PTPRG: variants seen among roughly 807,000 people sequenced by gnomAD.
PTPRG encodes protein tyrosine phosphatase receptor type G.
In PTPRG, 102 loss-of-function variants were observed where a neutral mutation model predicts 165.3. The observed-to-expected ratio is 0.62, with a 90% confidence interval of 0.53 to 0.73. PTPRG has a LOEUF of 0.73. PTPRG is among the 30% of genes least tolerant of loss of function. PTPRG has a pLI of 0.00. For missense variants in PTPRG, 1,866 were observed against 1,861.4 expected (o/e 1.00, Z -0.05); for synonymous variants, 675 against 669.5 (o/e 1.01, Z -0.13).
At chr3:61,793,828 G>A (rs971359341) in intron 2 of PTPRG, among the ~76,000 whole-genome samples, 3 of 152,092 alleles carry the variant, frequency 2.0e-5, no homozygotes, top group African/African-American at 7.2e-5. Context: ...TCCAAGTTTG[G>A]CTAGGTGGTG....
chr3:61,690,987 A>G (rs2030167093), intron 1 of PTPRG, among the ~76,000 whole-genome samples: 1 of 152,204 alleles, frequency 6.6e-6, no homozygotes, highest in African/African-American at 2.4e-5. Flanking sequence ...TAGACAAAAT[A>G]AAACCACAGA....
At chr3:62,218,541 G>A (rs564415316) in intron 12 of PTPRG, among the ~76,000 whole-genome samples, 3 of 152,222 alleles carry the variant, frequency 2.0e-5, no homozygotes, top group Admixed American at 1.3e-4. Flanking sequence ...CTTCTGGGTC[G>A]GTCATGTTCT....
chr3:61,629,855 A>G (rs1053846369), intron 1 of PTPRG, among the ~76,000 whole-genome samples: 1 of 152,236 alleles, frequency 6.6e-6, no homozygotes, highest in Non-Finnish European at 1.5e-5. Flanking sequence ...TAAGTGTAAC[A>G]TGTCTTCAGC....
At chr3:61,870,030 C>T (rs2037521599) in intron 2 of PTPRG, among the ~76,000 whole-genome samples, 1 of 152,128 alleles carries the variant, frequency 6.6e-6, no homozygotes, top group African/African-American at 2.4e-5. Context: ...CTCATCACTG[C>T]ATATTGAGCT....
rs868089374 is a variant in PTPRG, at chr3:62,157,328, C to T, written c.840+104C>T. The T allele has an allele frequency of 5.1e-6, 6 of 1,171,946 alleles. No homozygotes were observed. The African/African-American group carries it at 6.1e-5, about 12-fold the overall frequency. 72.6% of individuals were successfully genotyped at this position (1,171,946 alleles called of 1,614,324 possible). A position where few individuals can be genotyped will look rare whatever the true frequency, so the allele number is the denominator to read the frequency against. Reference sequence around the variant, plus strand: ...ACCACTAAGGAATTTGTTCTTGATCCTGTGCATATCATTGATTCCTGCAGT... The same window carrying T: ...ACCACTAAGGAATTTGTTCTTGATCTTGTGCATATCATTGATTCCTGCAGT... On this transcript the variant is annotated intron_variant, in intron 7 of 29. Coordinates refer to ENST00000474889, the MANE Select transcript of PTPRG (RefSeq NM_002841.4).
In PTPRG at chr3:61,653,634, C is replaced by T. The variant is rs958993299; in HGVS notation, c.85+91262C>T. On this transcript the variant is annotated intron_variant, in intron 1 of 29. Transcript: ENST00000474889. Reference sequence around the variant, plus strand: ...CTGCGTATGTGTAGCTAAATCATTGCATATGTCTTTGTTTTGTTAGGATTC... The same window carrying T: ...CTGCGTATGTGTAGCTAAATCATTGTATATGTCTTTGTTTTGTTAGGATTC... Among the ~76,000 whole-genome samples, 3 of 152,114 alleles carry T rather than the reference C, an allele frequency of 2.0e-5. No individual in the cohort carries two copies. The South Asian group carries it at 6.2e-4, about 32-fold the overall frequency.
chr3:61,991,301 G>A (rs548355949), intron 3 of PTPRG, among the ~76,000 whole-genome samples: 34 of 152,292 alleles, frequency 2.2e-4, no homozygotes, highest in African/African-American at 8.2e-4. Context: ...CACCTCCTAG[G>A]TTCAAGCGAT....
At chr3:62,202,770 A>G (rs1386217030) in intron 11 of PTPRG, among the ~76,000 whole-genome samples, 1 of 152,188 alleles carries the variant, frequency 6.6e-6, no homozygotes, top group Admixed American at 6.5e-5. Context: ...TGTCAGTGAT[A>G]TACATAAAAT....
chr3:61,930,180 A>T (rs1419065904), intron 2 of PTPRG, among the ~76,000 whole-genome samples: 1 of 152,206 alleles, frequency 6.6e-6, no homozygotes, highest in African/African-American at 2.4e-5. Context: ...ACAGCTGTAC[A>T]TATAAAATTT....
intron 1 of PTPRG, among the ~76,000 whole-genome samples, chr3:61,692,632 C>T (rs908794920): frequency 7.2e-5 from 11 of 151,908 alleles, no homozygotes; most frequent in Non-Finnish European, 1.2e-4. Context: ...AAAGGAAAAA[C>T]GGGGGTTGTT....
intron 16 of PTPRG, among the ~76,000 whole-genome samples, chr3:62,260,114 A>G (rs1279090138): frequency 6.6e-6 from 1 of 152,190 alleles, no homozygotes; most frequent in African/African-American, 2.4e-5. Context: ...TGTGTCCGAC[A>G]CTGTACATGC....
At chr3:61,954,256 T>C (rs986106582) in intron 2 of PTPRG, among the ~76,000 whole-genome samples, 1 of 152,224 alleles carries the variant, frequency 6.6e-6, no homozygotes, top group African/African-American at 2.4e-5. Flanking sequence ...TTCTCTTGTT[T>C]GAGGTTCATT....
At chr3:61,822,445 AGTAATTCAC>A (rs1299300660) in intron 2 of PTPRG, among the ~76,000 whole-genome samples, 1 of 152,228 alleles carries the variant, frequency 6.6e-6, no homozygotes, top group Non-Finnish European at 1.5e-5. Flanking sequence ...CTTTATTTGC[AGTAATTCAC>A]TAATGGAAGC....
chr3:62,009,790 G>C (rs1317159434), intron 4 of PTPRG, among the ~76,000 whole-genome samples: 1 of 152,156 alleles, frequency 6.6e-6, no homozygotes, highest in African/African-American at 2.4e-5. Flanking sequence ...AGCCTGTCTA[G>C]GGTTTGAGGC....
At chr3:61,802,911 A>G (rs950654596) in intron 2 of PTPRG, among the ~76,000 whole-genome samples, 22 of 152,192 alleles carry the variant, frequency 1.4e-4, no homozygotes, top group African/African-American at 5.3e-4. Flanking sequence ...TTGCTGGCCA[A>G]ATTCAGATCA....
intron 2 of PTPRG, among the ~76,000 whole-genome samples, chr3:61,846,080 A>C (rs1436625044): frequency 6.6e-6 from 1 of 152,188 alleles, no homozygotes; most frequent in Non-Finnish European, 1.5e-5. Context: ...TCATCCATTA[A>C]ATAGGGATAA....
At position 61,752,904 on chromosome 3, in the gene PTPRG, A is replaced by G. The variant is rs182502186; in HGVS notation, c.190+3922A>G. ...ATAACTTTTCACTTCTCATTTTAAG[A>G]CTAGCCTACTTTATTTCCACTTCAC... On this transcript the variant is annotated intron_variant, in intron 2 of 29. Coordinates refer to ENST00000474889, the MANE Select transcript of PTPRG (RefSeq NM_002841.4). Among the ~76,000 whole-genome samples, 24 of 152,128 alleles carry G rather than the reference A, an allele frequency of 1.6e-4. No homozygotes were observed. In the East Asian group the frequency reaches 3.9e-3, roughly 24 times the overall value.
At chr3:61,699,656 G>T (rs772902120) in intron 1 of PTPRG, among the ~76,000 whole-genome samples, 11 of 152,228 alleles carry the variant, frequency 7.2e-5, no homozygotes, top group Middle Eastern at 3.4e-3. Flanking sequence ...ATGAAAGCAG[G>T]TTTGCTTTAT....
intron 1 of PTPRG, among the ~76,000 whole-genome samples, chr3:61,579,024 T>G (rs976469366): frequency 6.6e-6 from 1 of 152,160 alleles, no homozygotes; most frequent in Non-Finnish European, 1.5e-5. Context: ...ATCTCGAGCC[T>G]TGGAAACTCA....
Sources: gnomAD v4.1 joint callset for allele counts (sites outside exome capture counted in the v4.1 genomes callset) on GRCh38, gnomAD v4.1.1 for gene constraint, MANE v1.5 for transcripts, NCBI Gene and HGNC (gene_info 2026-07-23, HGNC 2026-07-21) for gene names.